Variants in NUAK1 observed in about 807,000 individuals in gnomAD.
NUAK1 encodes NUAK family SNF1-like kinase 1.
In NUAK1, 26 loss-of-function variants were observed where a neutral mutation model predicts 56.9. That is an observed-to-expected ratio of 0.46 (90% CI 0.33 to 0.63). The LOEUF (loss-of-function observed/expected upper bound fraction) is 0.63, where lower values mean the gene tolerates loss of function less well. Ranked by LOEUF, NUAK1 falls within the 30% of genes least tolerant of loss-of-function variation. The pLI is 0.02. For synonymous variants in NUAK1, 337 were observed against 336.0 expected (o/e 1.00, Z -0.03); for missense variants, 727 against 876.1 (o/e 0.83, Z 2.15).
At chr12:106,113,135 CT>C (rs1159150481) in intron 1 of NUAK1, among the ~76,000 whole-genome samples, 1 of 152,182 alleles carries the variant, frequency 6.6e-6, no homozygotes, top group Non-Finnish European at 1.5e-5. Context: ...ACCCCCACCC[CT>C]CTCCCCTTCA....
intron 1 of NUAK1, among the ~76,000 whole-genome samples, chr12:106,114,776 CA>C (rs909801255): frequency 1.2e-3 from 180 of 152,074 alleles, no homozygotes; most frequent in African/African-American, 4.3e-3. Context: ...GAAACTGCCA[CA>C]AAAAAAATTC....
intron 1 of NUAK1, among the ~76,000 whole-genome samples, chr12:106,127,486 TAG>T (rs2033035091): frequency 1.3e-5 from 2 of 152,266 alleles, no homozygotes; most frequent in East Asian, 3.9e-4. Context: ...CTGTCTCACA[TAG>T]AGTCTAGTTC....
chr12:106,092,590 T>C (rs138641660), intron 2 of NUAK1, among the ~76,000 whole-genome samples: 148 of 152,330 alleles, frequency 9.7e-4, no homozygotes, highest in African/African-American at 3.4e-3. Flanking sequence ...TCGTCAAAGA[T>C]TGTTCATTCT....
Position 106,067,650 on chromosome 12 carries a change from A to G in NUAK1, c.1138T>C (p.Ser380Pro). ...CTTTCAGGCACTGCATCCTGACCAG[A>G]CTGAGCAAAGTCATTCTCTTTCTTG... ...KSKKENDFAQ[S>P]GQDAVPESPS... Residue 380 changes from serine to proline, a missense_variant, in exon 7 of 7, where the codon TCT becomes CCT. Coordinates refer to ENST00000261402, the MANE Select transcript of NUAK1 (RefSeq NM_014840.3). The surrounding 1 kb of genome is among the most constrained non-coding windows in gnomAD (Gnocchi z 6.0). The G allele has an allele frequency of 6.2e-7, 1 of 1,614,222 alleles. No individual in the cohort carries two copies. The highest frequency in any genetic ancestry group is 1.3e-5 in the African/African-American group (1 of 75,056).
At chr12:106,075,730 G>GA (rs1204223564) in intron 4 of NUAK1, among the ~76,000 whole-genome samples, 1 of 152,208 alleles carries the variant, frequency 6.6e-6, no homozygotes, top group African/African-American at 2.4e-5. Context: ...AAATAACTTT[G>GA]AATAATAAAA....
At chr12:106,082,853 C>CA (rs904351708) in intron 4 of NUAK1, among the ~76,000 whole-genome samples, 3 of 152,084 alleles carry the variant, frequency 2.0e-5, no homozygotes, top group African/African-American at 7.2e-5. Context: ...GCAGCAACAA[C>CA]AAAAAAATCA....
intron 1 of NUAK1, among the ~76,000 whole-genome samples, chr12:106,128,456 G>A (rs1013957747): frequency 1.1e-4 from 17 of 152,070 alleles, no homozygotes; most frequent in East Asian, 3.9e-4. Context: ...TAGATTGGAC[G>A]GTCCACTTCC....
At chr12:106,068,120 A>T (rs1479236207) in intron 6 of NUAK1, among the ~76,000 whole-genome samples, 165 bp from the exon 7 acceptor site, 1 of 152,330 alleles carries the variant, frequency 6.6e-6, no homozygotes, top group South Asian at 2.1e-4. Context: ...AGCCTTTCAG[A>T]TCATCCATCA....
chr12:106,101,723 A>G (rs1468529836), intron 2 of NUAK1, among the ~76,000 whole-genome samples: 3 of 152,214 alleles, frequency 2.0e-5, no homozygotes, highest in Non-Finnish European at 4.4e-5. Flanking sequence ...TAAACCTTCT[A>G]GAGCCTCAGT....
chr12:106,138,369 C>T lies in NUAK1; in HGVS notation c.240+45G>A. 6.4e-7 allele frequency: 1 copy of T among 1,557,360 alleles called. No homozygotes were observed. Among genetic ancestry groups the T allele is most frequent in the East Asian group, 2.3e-5 (1 of 44,364 alleles). Reference sequence around the variant, plus strand: ...CTCGCACGCCCTCAGTCCCCGGCCGCGTCCACCCAGCGCCCCCCGCACCCT... The same window carrying T: ...CTCGCACGCCCTCAGTCCCCGGCCGTGTCCACCCAGCGCCCCCCGCACCCT... On this transcript the variant is annotated intron_variant, in intron 1 of 6. Transcript: ENST00000261402. The surrounding 1 kb of genome is among the most constrained non-coding windows in gnomAD (Gnocchi z 5.0).
chr12:106,123,725 G>A lies in NUAK1; in HGVS notation c.240+14689C>T, dbSNP rs573411087. Among the ~76,000 whole-genome samples, 41 of 152,300 alleles carry A rather than the reference G, an allele frequency of 2.7e-4. 1 individual carries two copies. Among genetic ancestry groups the A allele is most frequent in the African/African-American group, 9.6e-4 (40 of 41,574 alleles). Reference sequence around the variant, plus strand: ...CATGATCAGTTGAAAATGGTATGCAGCCCGGCCAAGCCCCAGAGACTGCAG... The same window carrying A: ...CATGATCAGTTGAAAATGGTATGCAACCCGGCCAAGCCCCAGAGACTGCAG... On this transcript the variant is annotated intron_variant, in intron 1 of 6. Coordinates refer to ENST00000261402, the MANE Select transcript of NUAK1 (RefSeq NM_014840.3).
chr12:106,124,778 G>A (rs1469066493), intron 1 of NUAK1, among the ~76,000 whole-genome samples: 1 of 152,082 alleles, frequency 6.6e-6, no homozygotes, highest in Non-Finnish European at 1.5e-5. Context: ...AGGAGGCTGA[G>A]GCAGGTGGAT....
At chr12:106,133,552 C>T (rs951577715) in intron 1 of NUAK1, among the ~76,000 whole-genome samples, 1 of 152,186 alleles carries the variant, frequency 6.6e-6, no homozygotes, top group African/African-American at 2.4e-5. Flanking sequence ...AGTTACCTAA[C>T]CTCCCTATGT....
At chr12:106,127,868 C>T (rs1309343666) in intron 1 of NUAK1, among the ~76,000 whole-genome samples, 1 of 152,118 alleles carries the variant, frequency 6.6e-6, no homozygotes, top group Non-Finnish European at 1.5e-5. Context: ...TGTGCAATGC[C>T]CCGTGCCCAG....
At chr12:106,071,684 T>C (rs2032408048) in intron 5 of NUAK1, among the ~76,000 whole-genome samples, 1 of 152,230 alleles carries the variant, frequency 6.6e-6, no homozygotes, top group African/African-American at 2.4e-5. Flanking sequence ...ACTGCTAGCC[T>C]GGAACCTCAA....
chr12:106,117,849 G>A (rs2032933647), intron 1 of NUAK1, among the ~76,000 whole-genome samples: 1 of 152,176 alleles, frequency 6.6e-6, no homozygotes, highest in South Asian at 2.1e-4. Context: ...CCCAGACATA[G>A]CAAGCAGAGA....
Position 106,138,696 on chromosome 12 carries a change from G to A in NUAK1, c.-43C>T, listed in dbSNP as rs1473208037. The stretch of plus-strand genomic sequence containing the variant: ...GCCGGGCTACAGAGGGCAAGACCGG[G>A]CACAGCGCTGGGATGTCGGGGTCCC... On this transcript the variant is annotated 5_prime_UTR_variant, in exon 1 of 7. Coordinates refer to ENST00000261402, the MANE Select transcript of NUAK1 (RefSeq NM_014840.3). The surrounding 1 kb of genome is among the most constrained non-coding windows in gnomAD (Gnocchi z 5.0). 4.1e-6 allele frequency: 6 copies of A among 1,465,048 alleles called. No individual in the cohort carries two copies. Among genetic ancestry groups the A allele is most frequent in the Non-Finnish European group, 5.4e-6 (6 of 1,117,606 alleles). 90.8% of individuals were successfully genotyped at this position (1,465,048 alleles called of 1,614,324 possible).
chr12:106,106,151 T>C, intron 2 of NUAK1: 1 of 314,128 alleles, frequency 3.2e-6, no homozygotes, highest in Non-Finnish European at 5.8e-6. Context: ...GTGGGTTGCT[T>C]AGCAACTGCC....
At chr12:106,110,910 T>C (rs537396305) in intron 1 of NUAK1, among the ~76,000 whole-genome samples, 28 of 152,320 alleles carry the variant, frequency 1.8e-4, no homozygotes, top group Admixed American at 7.8e-4. Flanking sequence ...CTCTTGAGGG[T>C]TGGAGGTTTT....
Sources: allele counts gnomAD v4.1 joint callset (sites outside exome capture counted in the v4.1 genomes callset), GRCh38; gene constraint gnomAD v4.1.1; non-coding constraint Gnocchi (gnomAD v3.1); transcripts MANE v1.5; gene names NCBI Gene and HGNC (gene_info 2026-07-23, HGNC 2026-07-21).